The following LY6S variants were observed in gnomAD, a reference collection of about 807,000 sequenced individuals.
The protein encoded by LY6S is lymphocyte antigen 6 family member S.
the LY6S span, chr8:143,042,591 A>T: frequency 1.1e-5 from 2 of 178,652 alleles, no homozygotes; most frequent in African/African-American, 4.8e-5. Context: ...GGTGAGGAAG[A>T]AGCCGAGTGC....
chr8:143,072,220 T>TCCCTGC, the LY6S span, among the ~76,000 whole-genome samples: 18 of 142,848 alleles, frequency 1.3e-4, no homozygotes, highest in African/African-American at 4.9e-4. Context: ...GGGGTTCCTG[T>TCCCTGC]TTGAGGAGAC....
At chr8:143,041,835 C>G in the LY6S span, among the ~76,000 whole-genome samples, 5 of 152,232 alleles carry the variant, frequency 3.3e-5, no homozygotes, top group Non-Finnish European at 7.3e-5. Flanking sequence ...CCAGACTGTT[C>G]TGAGCCCAGC....
At chr8:143,056,891 A>G in the LY6S span, among the ~76,000 whole-genome samples, 2 of 152,250 alleles carry the variant, frequency 1.3e-5, no homozygotes, top group Admixed American at 1.3e-4. Context: ...GAATCTTAGT[A>G]TCTGACTCAT....
chr8:143,045,857 A>ATTTTTTT, the LY6S span, among the ~76,000 whole-genome samples: 1 of 148,032 alleles, frequency 6.8e-6, no homozygotes, highest in Non-Finnish European at 1.5e-5. This position sits in a 1 kb window ranked among gnomAD's most constrained non-coding sequence, Gnocchi z 5.3. Context: ...CAATTTACTC[A>ATTTTTTT]TTTTTTTTTT....
At chr8:143,073,258 G>C in the LY6S span, among the ~76,000 whole-genome samples, 1 of 109,248 alleles carries the variant, frequency 9.2e-6, no homozygotes, top group African/African-American at 4.6e-5. Flanking sequence ...GACAGCTGTC[G>C]TCCTCGGGGT....
the LY6S span, chr8:143,066,586 A>G: frequency 3.4e-6 from 1 of 291,620 alleles, no homozygotes. Context: ...TTTCTTTGTC[A>G]TCTTGGAGGC....
chr8:143,058,085 A>G, the LY6S span, among the ~76,000 whole-genome samples: 2 of 152,242 alleles, frequency 1.3e-5, no homozygotes, highest in African/African-American at 2.4e-5. Flanking sequence ...TTACAAACAA[A>G]TAGAGCATTT....
chr8:143,050,869 C>G, the LY6S span, among the ~76,000 whole-genome samples: 1 of 152,192 alleles, frequency 6.6e-6, no homozygotes, highest in South Asian at 2.1e-4. Context: ...ACACTGCCAC[C>G]TAATACCTCG....
At chr8:143,054,085 T>A in the LY6S span, 1 of 152,190 alleles carries the variant, frequency 6.6e-6, no homozygotes, top group South Asian at 2.1e-4. Flanking sequence ...GGCGGGTGGA[T>A]CACAAAGTCG....
chr8:143,048,791 A>G, the LY6S span, among the ~76,000 whole-genome samples: 1 of 152,156 alleles, frequency 6.6e-6, no homozygotes, highest in East Asian at 1.9e-4. Flanking sequence ...TGAGGGACAC[A>G]TTAAGAGTGC....
chr8:143,064,333 T>C, the LY6S span, among the ~76,000 whole-genome samples: 22 of 152,202 alleles, frequency 1.4e-4, no homozygotes, highest in Admixed American at 4.6e-4. Flanking sequence ...TTCCCTTCTA[T>C]AGAGAAAACC....
At chr8:143,067,017 C>T in the LY6S span, among the ~76,000 whole-genome samples, 7 of 152,062 alleles carry the variant, frequency 4.6e-5, no homozygotes, top group Non-Finnish European at 1.0e-4. Flanking sequence ...GTGTTTGGAT[C>T]GTTGGGGTGG....
the LY6S span, chr8:143,057,406 T>C: frequency 1.1e-5 from 5 of 447,606 alleles, no homozygotes; most frequent in Admixed American, 1.6e-4. Context: ...CCTGCCACCA[T>C]GCCCGGCTAC....
chr8:143,041,253 C>T, the LY6S span, among the ~76,000 whole-genome samples: 2 of 152,134 alleles, frequency 1.3e-5, no homozygotes, highest in Non-Finnish European at 1.5e-5. Flanking sequence ...AAAAGGCAGC[C>T]GTCCCCAAAG....
chr8:143,068,107 G>A, the LY6S span, among the ~76,000 whole-genome samples: 3,503 of 152,276 alleles, frequency 0.023, 63 homozygotes, highest in South Asian at 0.041. Flanking sequence ...GTCTCAGTGG[G>A]GGGAAACCTT....
the LY6S span, among the ~76,000 whole-genome samples, chr8:143,052,721 G>T: frequency 6.6e-6 from 1 of 152,110 alleles, no homozygotes; most frequent in African/African-American, 2.4e-5. Flanking sequence ...CGTGGAGGCC[G>T]CAATCCTCCG....
At chr8:143,066,514 T>C in the LY6S span, 4 of 275,734 alleles carry the variant, frequency 1.5e-5, no homozygotes, top group South Asian at 1.8e-4. Context: ...TCAGGCACCA[T>C]TCGTGCAGCG....
At chr8:143,070,489 A>ATTTTTTTTTTT in the LY6S span, among the ~76,000 whole-genome samples, 6 of 81,710 alleles carry the variant, frequency 7.3e-5, no homozygotes, top group East Asian at 9.1e-4. Flanking sequence ...ATATATATAT[A>ATTTTTTTTTTT]TTTTTTTTTT....
At chr8:143,052,645 C>T in the LY6S span, among the ~76,000 whole-genome samples, 5 of 152,154 alleles carry the variant, frequency 3.3e-5, no homozygotes, top group Admixed American at 6.5e-5. Flanking sequence ...TGGCCTCCCC[C>T]GCTCCTTGCA....
Sources: allele counts gnomAD v4.1 joint callset (sites outside exome capture counted in the v4.1 genomes callset), GRCh38; gene constraint gnomAD v4.1.1; non-coding constraint Gnocchi (gnomAD v3.1); transcripts MANE v1.5; gene names NCBI Gene and HGNC (gene_info 2026-07-23, HGNC 2026-07-21).